SMOC2: variants seen among roughly 807,000 people sequenced by gnomAD.
SMOC2 encodes the protein SPARC related modular calcium binding 2.
A neutral mutation model predicts 61.4 loss-of-function variants in SMOC2; 39 were observed. The observed-to-expected ratio is 0.64, with a 90% CI of 0.49 to 0.83. SMOC2 has a LOEUF of 0.83. SMOC2 is among the 40% of genes least tolerant of loss of function. SMOC2 has a pLI of 0.00. For missense variants in SMOC2, 556 were observed against 592.9 expected, an observed-to-expected ratio of 0.94 and a Z score of 0.65; for synonymous variants, 247 against 239.9, an observed-to-expected ratio of 1.03 and a Z score of -0.27.
chr6:168,471,794 G>T (rs1306331025), intron 1 of SMOC2, among the ~76,000 whole-genome samples: 1 of 152,170 alleles, frequency 6.6e-6, no homozygotes, highest in African/African-American at 2.4e-5. Context: ...GATGGGTTGG[G>T]TGTGATTGCT....
chr6:168,634,706 A>G (rs963287642), intron 9 of SMOC2, among the ~76,000 whole-genome samples: 8 of 152,216 alleles, frequency 5.3e-5, no homozygotes, highest in African/African-American at 1.7e-4. Flanking sequence ...AGAGTTTCCT[A>G]TAGGAGAAGC....
chr6:168,599,141 C>T, intron 8 of SMOC2, 137 bp downstream of exon 8: 3 of 789,758 alleles, frequency 3.8e-6, no homozygotes, highest in Non-Finnish European at 3.9e-6. Flanking sequence ...CACACTGATA[C>T]CACACACATA....
chr6:168,640,291 G>A (rs1186612577), intron 9 of SMOC2, among the ~76,000 whole-genome samples: 1 of 152,076 alleles, frequency 6.6e-6, no homozygotes, highest in African/African-American at 2.4e-5. Context: ...CCATGGTAGG[G>A]TTCATTGGTG....
chr6:168,476,575 C>A (rs1238711519), intron 1 of SMOC2, among the ~76,000 whole-genome samples: 1 of 151,708 alleles, frequency 6.6e-6, no homozygotes, highest in Non-Finnish European at 1.5e-5. Flanking sequence ...AAATATATAA[C>A]AGATATTTTC....
At chr6:168,584,839 G>A (rs1785011788) in intron 7 of SMOC2, among the ~76,000 whole-genome samples, 1 of 152,194 alleles carries the variant, frequency 6.6e-6, no homozygotes, top group Non-Finnish European at 1.5e-5. Context: ...TGGTGCTCAG[G>A]AAACCCAAGC....
intron 10 of SMOC2, among the ~76,000 whole-genome samples, chr6:168,652,653 C>A (rs539733410): frequency 5.9e-5 from 9 of 152,234 alleles, no homozygotes; most frequent in Non-Finnish European, 7.4e-5. Flanking sequence ...CATGTGCTGA[C>A]CTGCCAGTCC....
chr6:168,444,813 T>C (rs1386219482), intron 1 of SMOC2, among the ~76,000 whole-genome samples: 3 of 152,216 alleles, frequency 2.0e-5, no homozygotes, highest in Admixed American at 1.3e-4. Flanking sequence ...GTTGTCATTA[T>C]ATGAATTTTG....
chr6:168,461,379 T>A (rs547733635), intron 1 of SMOC2, among the ~76,000 whole-genome samples: 35 of 152,262 alleles, frequency 2.3e-4, no homozygotes, highest in African/African-American at 7.9e-4. Context: ...TAAGAAAAAT[T>A]TACTTCATTT....
intron 1 of SMOC2, among the ~76,000 whole-genome samples, chr6:168,479,711 C>T (rs1360468131): frequency 6.6e-6 from 1 of 152,178 alleles, no homozygotes; most frequent in Non-Finnish European, 1.5e-5. Context: ...CCCTGTCCTT[C>T]AAATATGAGG....
chr6:168,557,570 G>A (rs1031921333), intron 7 of SMOC2, among the ~76,000 whole-genome samples: 1 of 151,956 alleles, frequency 6.6e-6, no homozygotes, highest in African/African-American at 2.4e-5. Context: ...TGAAAGAAGG[G>A]GTATTTGCCT....
chr6:168,478,001 C>A (rs1213653907), intron 1 of SMOC2, among the ~76,000 whole-genome samples: 1 of 152,150 alleles, frequency 6.6e-6, no homozygotes, highest in Non-Finnish European at 1.5e-5. Context: ...TCCCTTTTAT[C>A]CACCAGAGGT....
At chr6:168,486,905 C>T (rs533339242) in intron 1 of SMOC2, among the ~76,000 whole-genome samples, 5 of 152,272 alleles carry the variant, frequency 3.3e-5, no homozygotes, top group South Asian at 2.1e-4. Context: ...CATAAACCAA[C>T]GCATTAGTTA....
intron 1 of SMOC2, among the ~76,000 whole-genome samples, chr6:168,498,758 G>A (rs371166654): frequency 0.08 from 4,471 of 56,166 alleles, 3 homozygotes; most frequent in Middle Eastern, 0.12. Context: ...CCTGTCTACT[G>A]CACATGGAAA....
chr6:168,665,988 T>G (rs1583199528), intron 12 of SMOC2, among the ~76,000 whole-genome samples: 1 of 152,002 alleles, frequency 6.6e-6, no homozygotes, highest in Admixed American at 6.6e-5. Context: ...ATAAGCAAAC[T>G]TTTTAAGTTG....
chr6:168,474,975 T>G (rs766073053), intron 1 of SMOC2, among the ~76,000 whole-genome samples: 7 of 152,174 alleles, frequency 4.6e-5, no homozygotes, highest in African/African-American at 7.2e-5. Flanking sequence ...CTAGAAAGCT[T>G]CTCATCTAGA....
chr6:168,649,557 T>G (rs911942), intron 9 of SMOC2, among the ~76,000 whole-genome samples: 58,629 of 152,080 alleles, frequency 0.39, 11,523 homozygotes, highest in East Asian at 0.63. Flanking sequence ...GCTTTCTTTA[T>G]AAAAATTTAA....
At chr6:168,659,658 G>A (rs1382918697) in intron 11 of SMOC2, among the ~76,000 whole-genome samples, 12 of 151,078 alleles carry the variant, frequency 7.9e-5, no homozygotes, top group Admixed American at 1.3e-4. Context: ...GAGGGTGGAG[G>A]TTGTAGGCTG....
chr6:168,543,423 C>A (rs549288572), intron 4 of SMOC2, among the ~76,000 whole-genome samples: 1 of 152,272 alleles, frequency 6.6e-6, no homozygotes, highest in South Asian at 2.1e-4. Flanking sequence ...AGAAACTAAT[C>A]TTTTGTTTCT....
intron 4 of SMOC2, among the ~76,000 whole-genome samples, chr6:168,536,457 ACT>A (rs1783736100): frequency 6.6e-6 from 1 of 151,914 alleles, no homozygotes; most frequent in South Asian, 2.1e-4. Context: ...GGTGCCTGTG[ACT>A]CTGAATGTCC....
Sources: allele counts gnomAD v4.1 joint callset (sites outside exome capture counted in the v4.1 genomes callset), GRCh38; gene constraint gnomAD v4.1.1; transcripts MANE v1.5; gene names NCBI Gene and HGNC (gene_info 2026-07-23, HGNC 2026-07-21).